Variants in ASIP observed in about 807,000 individuals in gnomAD.
The protein encoded by ASIP is agouti signaling protein, also known as agouti-signaling protein.
ASIP carries 11 observed loss-of-function variants against 10.3 expected under a neutral mutation model. That is an observed-to-expected ratio of 1.07 (90% CI 0.68 to 1.78). The LOEUF is 1.78. Ranked by LOEUF, ASIP falls within the 40% of genes most tolerant of loss-of-function variation. The probability of loss-of-function intolerance (pLI) is 0.00; values close to 1 mark genes in which losing one functional copy is unlikely to be tolerated. For synonymous variants in ASIP, 70 were observed against 70.8 expected (o/e 0.99, Z 0.06); for missense variants, 180 against 169.2 (o/e 1.06, Z -0.35).
At chr20:34,211,857 C>T (rs1004652207) in intron 1 of ASIP, among the ~76,000 whole-genome samples, 10 of 152,134 alleles carry the variant, frequency 6.6e-5, no homozygotes, top group African/African-American at 2.2e-4. Flanking sequence ...TATAGATGTA[C>T]AGTCACATGC....
intron 1 of ASIP, chr20:34,215,024 C>T: frequency 8.2e-6 from 12 of 1,467,184 alleles, no homozygotes; most frequent in Non-Finnish European, 1.1e-5. Context: ...CTGGTCAATG[C>T]TGAAAAGAAG....
intron 1 of ASIP, among the ~76,000 whole-genome samples, chr20:34,244,751 T>C (rs1289955060): frequency 6.6e-6 from 1 of 152,230 alleles, no homozygotes. Flanking sequence ...TTTAAGGCTT[T>C]TAGCATACTT....
upstream of ASIP, among the ~76,000 whole-genome samples, chr20:34,189,836 C>T (rs1601564921): frequency 6.6e-6 from 1 of 152,130 alleles, no homozygotes; most frequent in African/African-American, 2.4e-5. Flanking sequence ...CCCAGTCACT[C>T]AGAAAGGAGC....
At chr20:34,257,070 C>CTTTTTTTTTTTTTTTTTTTTTTT (rs56227909) in intron 1 of ASIP, among the ~76,000 whole-genome samples, 8 of 139,408 alleles carry the variant, frequency 5.7e-5, no homozygotes, top group Non-Finnish European at 1.1e-4. Flanking sequence ...CTTTCTTTCT[C>CTTTTTTTTTTTTTTTTTTTTTTT]TTTTTTTTTT....
In ASIP at chr20:34,200,603, G is replaced by T. The variant is rs181218337; in HGVS notation, c.-11+5843G>T. Among the ~76,000 whole-genome samples, 423 of 152,328 alleles carry T rather than the reference G, an allele frequency of 2.8e-3. 2 individuals are homozygous for T. The highest frequency in any genetic ancestry group is 6.4e-3 in the South Asian group (31 of 4,828). On this transcript the variant is annotated intron_variant, in intron 1 of 3. Coordinates refer to the ASIP transcript ENST00000568305. ...GTGCATTGCACGTTGGATGAGCCAG[G>T]GAAATTATTACATTAACAAGCATTT...
intron 3 of ASIP, among the ~76,000 whole-genome samples, chr20:34,263,913 C>T (rs1437249859): frequency 2.0e-5 from 3 of 152,002 alleles, no homozygotes; most frequent in Non-Finnish European, 2.9e-5. Flanking sequence ...TCAGGTGATC[C>T]ACCTGCCTCA....
intron 1 of ASIP, among the ~76,000 whole-genome samples, chr20:34,251,642 T>C (rs1177487576): frequency 1.3e-5 from 2 of 152,146 alleles, no homozygotes; most frequent in African/African-American, 4.8e-5. Context: ...AAATGAGGAA[T>C]TTGCTATGTT....
At chr20:34,266,665 T>C (rs1050736895) in intron 3 of ASIP, among the ~76,000 whole-genome samples, 6 of 151,940 alleles carry the variant, frequency 3.9e-5, no homozygotes, top group Non-Finnish European at 7.4e-5. Flanking sequence ...ACAGCAAGAC[T>C]CCATCTCAAA....
At chr20:34,210,405 C>A (rs2034966924) in intron 1 of ASIP, among the ~76,000 whole-genome samples, 1 of 152,220 alleles carries the variant, frequency 6.6e-6, no homozygotes, top group African/African-American at 2.4e-5. Flanking sequence ...TGTGTCTGGT[C>A]CAGTTGCAGC....
At chr20:34,249,513 T>G (rs984538361) in intron 1 of ASIP, among the ~76,000 whole-genome samples, 6 of 152,214 alleles carry the variant, frequency 3.9e-5, no homozygotes, top group African/African-American at 1.2e-4. Flanking sequence ...TTCTCAATCT[T>G]GTAACCACAG....
chr20:34,258,866 T>A (rs1318612602), intron 1 of ASIP, among the ~76,000 whole-genome samples: 4 of 126,156 alleles, frequency 3.2e-5, no homozygotes, highest in African/African-American at 1.1e-4. Flanking sequence ...ATATGATATA[T>A]ATAATACTAT....
chr20:34,264,789 A>ATTTT (rs34382186), intron 3 of ASIP, among the ~76,000 whole-genome samples: 42 of 104,164 alleles, frequency 4.0e-4, no homozygotes, highest in East Asian at 5.5e-4. Context: ...AGTTTACTTC[A>ATTTT]TTTTTTTTTT....
At chr20:34,191,563 C>A (rs2034824463), upstream of ASIP, among the ~76,000 whole-genome samples, 1 of 152,192 alleles carries the variant, frequency 6.6e-6, no homozygotes, top group South Asian at 2.1e-4. Flanking sequence ...CTCCTCTGCC[C>A]TCTTCTAATT....
upstream of ASIP, among the ~76,000 whole-genome samples, chr20:34,191,138 G>A (rs1022457847): frequency 2.6e-5 from 4 of 152,126 alleles, no homozygotes; most frequent in Non-Finnish European, 5.9e-5. Flanking sequence ...TGTTAAACAG[G>A]TATTACTTTG....
In ASIP at chr20:34,247,569, C is replaced by T. The variant is rs564378924; in HGVS notation, c.-11+6080C>T. Among the ~76,000 whole-genome samples, 4 of 151,926 alleles carry T rather than the reference C, an allele frequency of 2.6e-5. No individual in the cohort carries two copies. The East Asian group carries it at 5.8e-4, about 22-fold the overall frequency. ...ACCTCAGCCTCCCAAAGTGCTAGGACTACAGGCATGAGTCACTGTACCCTG... is the reference window on the plus strand; with the variant it reads ...ACCTCAGCCTCCCAAAGTGCTAGGATTACAGGCATGAGTCACTGTACCCTG... On this transcript the variant is annotated intron_variant, in intron 1 of 3. Transcript: ENST00000374954.
intron 1 of ASIP, among the ~76,000 whole-genome samples, chr20:34,197,387 A>G (rs575416015): frequency 6.3e-4 from 96 of 152,222 alleles, no homozygotes; most frequent in Non-Finnish European, 1.2e-3. Context: ...AAGTAGCTGT[A>G]CTAGACGGGA....
chr20:34,211,111 C>A (rs1259182196), intron 1 of ASIP, among the ~76,000 whole-genome samples: 6 of 152,128 alleles, frequency 3.9e-5, no homozygotes, highest in Admixed American at 6.5e-5. Flanking sequence ...CTCACTGCAA[C>A]CTTGAACTCC....
chr20:34,213,913 A>G (rs1012446462), intron 1 of ASIP: 4 of 1,584,882 alleles, frequency 2.5e-6, no homozygotes, highest in Non-Finnish European at 3.4e-6. Context: ...AGCATGGTTG[A>G]GACAGTCTGC....
chr20:34,212,064 T>C, intron 1 of ASIP, among the ~76,000 whole-genome samples: 1 of 152,218 alleles, frequency 6.6e-6, no homozygotes, highest in East Asian at 1.9e-4. Context: ...CATTCTTTTC[T>C]GTATTTTTCA....
Sources: allele counts gnomAD v4.1 joint callset (sites outside exome capture counted in the v4.1 genomes callset), GRCh38; gene constraint gnomAD v4.1.1; transcripts MANE v1.5; gene names NCBI Gene and HGNC (gene_info 2026-07-23, HGNC 2026-07-21).